Variants in UNC5B observed in about 807,000 individuals in gnomAD.
UNC5B encodes netrin receptor UNC5B.
UNC5B carries 56 observed loss-of-function variants against 103.7 expected under a neutral mutation model. The ratio of observed to expected loss-of-function variants is 0.54; its 90% CI spans 0.44 to 0.67. UNC5B has a LOEUF of 0.67. UNC5B is among the 30% of genes least tolerant of loss of function. The pLI, the probability that UNC5B is intolerant of heterozygous loss-of-function variation, is 0.00. For synonymous variants in UNC5B, 577 were observed against 542.0 expected, an observed-to-expected ratio of 1.06 and a Z score of -0.90; for missense variants, 1,194 against 1,284.5, an observed-to-expected ratio of 0.93 and a Z score of 1.08.
intron 1 of UNC5B, among the ~76,000 whole-genome samples, chr10:71,251,062 C>T (rs1247803119): frequency 6.6e-6 from 1 of 152,180 alleles, no homozygotes; most frequent in Non-Finnish European, 1.5e-5. Context: ...CTGTCATGGG[C>T]TCAGCCATGG....
At chr10:71,233,916 G>C (rs986038084) in intron 1 of UNC5B, among the ~76,000 whole-genome samples, 27 of 152,246 alleles carry the variant, frequency 1.8e-4, no homozygotes, top group African/African-American at 6.5e-4. Flanking sequence ...CAGGAGATTA[G>C]AAACAGGGTC....
At chr10:71,251,069 A>G (rs1029208302) in intron 1 of UNC5B, among the ~76,000 whole-genome samples, 13 of 152,214 alleles carry the variant, frequency 8.5e-5, no homozygotes, top group African/African-American at 2.9e-4. Context: ...GGGCTCAGCC[A>G]TGGTAGTAGT....
intron 1 of UNC5B, among the ~76,000 whole-genome samples, chr10:71,266,594 G>C (rs2132286187): frequency 6.6e-6 from 1 of 152,320 alleles, no homozygotes; most frequent in Non-Finnish European, 1.5e-5. Context: ...CTTCTAGCTT[G>C]CATCAGCCTT....
At chr10:71,293,348 G>A (rs1457849034) in intron 11 of UNC5B, 57 bp from the exon 12 acceptor site, 4 of 1,554,002 alleles carry the variant, frequency 2.6e-6, no homozygotes, top group Non-Finnish European at 3.5e-6. Flanking sequence ...CCCAGCAGGA[G>A]CCTGCACCTT....
At chr10:71,280,132 A>G in intron 2 of UNC5B, 87 bp downstream of exon 2, 1 of 1,414,734 alleles carries the variant, frequency 7.1e-7, no homozygotes, top group East Asian at 2.3e-5. Flanking sequence ...TCACACAGCC[A>G]TGGTGCCCCC....
At chr10:71,221,772 C>T (rs544481095) in intron 1 of UNC5B, among the ~76,000 whole-genome samples, 54 of 152,292 alleles carry the variant, frequency 3.5e-4, no homozygotes, top group African/African-American at 1.3e-3. Context: ...GCAGGCTGTG[C>T]AGTCACATTA....
intron 1 of UNC5B, among the ~76,000 whole-genome samples, chr10:71,273,169 G>A (rs10466021): frequency 0.67 from 101,898 of 152,286 alleles, 36,565 homozygotes; most frequent in Non-Finnish European, 0.79. Context: ...GATTATAGGC[G>A]TGAGCCGCCG....
Position 71,299,506 on chromosome 10 carries a change from T to G in UNC5B, c.*229T>G. 1 of 512,218 alleles carries G rather than the reference T, an allele frequency of 2.0e-6. No homozygotes were observed. 31.7% of individuals were successfully genotyped at this position (512,218 alleles called of 1,614,324 possible). On this transcript the variant is annotated 3_prime_UTR_variant, in exon 17 of 17. Transcript: ENST00000335350. ...TTCTCCACCCCCGCTCTCTCTCTCT[T>G]GGCCTGAGATCTCTGTGCAGGAACC... is the stretch of plus-strand genomic sequence containing the variant.
At chr10:71,286,120 A>G (rs544827720) in intron 4 of UNC5B, among the ~76,000 whole-genome samples, 4 of 152,170 alleles carry the variant, frequency 2.6e-5, no homozygotes, top group Admixed American at 1.3e-4. Flanking sequence ...CTCTGCAACA[A>G]CCCTGCAAAG....
Position 71,284,825 on chromosome 10 carries a change from G to A in UNC5B, c.410G>A (p.Gly137Asp). 1 of 1,612,914 alleles carries A rather than the reference G, an allele frequency of 6.2e-7. No homozygotes were observed. The highest frequency in any genetic ancestry group is 8.5e-7 in the Non-Finnish European group (1 of 1,179,626). The part of the protein sequence containing the change: ...WCQCVAWSSA[G>D]TTKSRRAYVR... ...CAGTGCGTGGCCTGGAGCTCCGCGG[G>A]CACCACCAAGAGTCGCCGAGCCTAC... is the stretch of plus-strand genomic sequence containing the variant. Residue 137 changes from glycine (G) to aspartate (D), a missense_variant, in exon 3 of 17, where the codon GGC (glycine) becomes GAC (aspartate). By Grantham distance (94) the Gly-to-Asp change is moderately conservative. Coordinates refer to ENST00000335350, the MANE Select transcript of UNC5B (RefSeq NM_170744.5).
rs1843249690 is a variant in UNC5B at position 71,212,622 on chromosome 10, G to C, written c.-364G>C. ...GGGCGCCGGAGCCGCACGCAGCCGC[G>C]GGGCTCCGAGAGGCGCGCACTGGGG... On this transcript the variant is annotated 5_prime_UTR_variant, in exon 1 of 17. Coordinates refer to ENST00000335350, the MANE Select transcript of UNC5B (RefSeq NM_170744.5). 5.8e-6 allele frequency: 1 copy of C among 172,424 alleles called. No individual in the cohort carries two copies. Among genetic ancestry groups the C allele is most frequent in the South Asian group, 2.0e-4 (1 of 5,052 alleles). The allele number at this position is 172,424 out of a possible 1,614,324, so 10.7% of individuals were successfully genotyped here. A position where few individuals can be genotyped will look rare whatever the true frequency, so the allele number is the denominator to read the frequency against.
intron 1 of UNC5B, among the ~76,000 whole-genome samples, chr10:71,274,368 A>AC (rs1564726377): frequency 6.6e-6 from 1 of 151,736 alleles, no homozygotes; most frequent in East Asian, 1.9e-4. Flanking sequence ...CAAAAAAAAA[A>AC]AAAAATAAAA....
chr10:71,284,366 G>T (rs1001651507), intron 2 of UNC5B, among the ~76,000 whole-genome samples: 1 of 152,194 alleles, frequency 6.6e-6, no homozygotes, highest in Non-Finnish European at 1.5e-5. Flanking sequence ...TGGATGCACA[G>T]TGCAGCTCAG....
At chr10:71,273,334 AG>A (rs1844691155) in intron 1 of UNC5B, among the ~76,000 whole-genome samples, 4 of 152,206 alleles carry the variant, frequency 2.6e-5, no homozygotes, top group Admixed American at 2.6e-4. Flanking sequence ...CAACCTCCCA[AG>A]GTCTCACAGT....
intron 1 of UNC5B, among the ~76,000 whole-genome samples, chr10:71,265,032 T>C (rs1237989028): frequency 6.7e-6 from 1 of 149,632 alleles, no homozygotes; most frequent in African/African-American, 2.5e-5. Context: ...ATTCAAATGC[T>C]GACAACCCTG....
intron 3 of UNC5B, 92 bp downstream of exon 3, chr10:71,284,955 T>A: frequency 2.0e-6 from 3 of 1,496,832 alleles, no homozygotes; most frequent in Non-Finnish European, 1.8e-6. Flanking sequence ...TGGGGCCTCC[T>A]CCAGCATCCC....
intron 1 of UNC5B, chr10:71,217,111 AGCTGGC>A (rs1354466734): frequency 6.5e-6 from 1 of 152,716 alleles, no homozygotes; most frequent in African/African-American, 2.4e-5. Context: ...CTCAGGCCAG[AGCTGGC>A]GCTTCTCTTG....
rs1338987184 is a variant in UNC5B, at chr10:71,237,160, G to C, written c.79+24096G>C. ...GCAAAGGCCACAGAGCCTGTGAGCA[G>C]AGGCCCACTCTGGGGACCAAGTGCA... is the stretch of plus-strand genomic sequence containing the variant. On this transcript the variant is annotated intron_variant, in intron 1 of 16. Transcript: ENST00000335350. Among the ~76,000 whole-genome samples the C allele has an allele frequency of 1.3e-5, 2 of 152,220 alleles. 1 individual carries two copies. Among genetic ancestry groups the C allele is most frequent in the Non-Finnish European group, 2.9e-5 (2 of 68,034 alleles).
intron 1 of UNC5B, among the ~76,000 whole-genome samples, chr10:71,253,279 C>G (rs903535764): frequency 6.6e-6 from 1 of 152,214 alleles, no homozygotes; most frequent in South Asian, 2.1e-4. Context: ...CTCCTTTCCC[C>G]GTAGCTTGGT....
Sources: allele counts gnomAD v4.1 joint callset (sites outside exome capture counted in the v4.1 genomes callset), GRCh38; gene constraint gnomAD v4.1.1; transcripts MANE v1.5; gene names NCBI Gene and HGNC (gene_info 2026-07-23, HGNC 2026-07-21).